MAPK10: variants seen among roughly 807,000 people sequenced by gnomAD.
MAPK10 encodes the protein mitogen-activated protein kinase 10.
A neutral mutation model predicts 59.3 loss-of-function variants in MAPK10; 25 were observed. The observed-to-expected ratio is 0.42, with a 90% CI of 0.31 to 0.59. The LOEUF (loss-of-function observed/expected upper bound fraction) is 0.59. Ranked by LOEUF, MAPK10 falls within the 20% of genes least tolerant of loss-of-function variation. MAPK10 has a pLI of 0.15. For missense variants in MAPK10, 351 were observed against 568.9 expected (o/e 0.62, Z 3.90); for synonymous variants, 190 against 200.5 (o/e 0.95, Z 0.44).
intron 1 of MAPK10, among the ~76,000 whole-genome samples, chr4:86,522,033 T>C (rs895623111): frequency 6.6e-6 from 1 of 152,186 alleles, no homozygotes; most frequent in Non-Finnish European, 1.5e-5. Flanking sequence ...CTCTTCACAC[T>C]GCTTCTTCTA....
At chr4:86,029,051 AAACT>A in intron 13 of MAPK10, 142 bp downstream of exon 13, 1 of 745,104 alleles carries the variant, frequency 1.3e-6, no homozygotes, top group Non-Finnish European at 2.5e-6. Context: ...AAAAGAAATA[AAACT>A]AAAATCATTA....
intron 2 of MAPK10, among the ~76,000 whole-genome samples, chr4:86,278,246 G>A (rs1336899506): frequency 6.6e-6 from 1 of 152,056 alleles, no homozygotes; most frequent in African/African-American, 2.4e-5. Flanking sequence ...AAAAGAAATG[G>A]CCTGGATACC....
At chr4:86,296,728 C>T (rs753747754) in intron 2 of MAPK10, among the ~76,000 whole-genome samples, 1 of 152,064 alleles carries the variant, frequency 6.6e-6, no homozygotes, top group Non-Finnish European at 1.5e-5. Flanking sequence ...TAAAATTCTC[C>T]TTAGAGTTAG....
chr4:86,205,150 C>G (rs1388005277), intron 2 of MAPK10, among the ~76,000 whole-genome samples: 1 of 151,808 alleles, frequency 6.6e-6, no homozygotes, highest in East Asian at 1.9e-4. Flanking sequence ...GGGATAGATA[C>G]CCCTACCACA....
intron 1 of MAPK10, among the ~76,000 whole-genome samples, chr4:86,404,246 T>C (rs1027435843): frequency 6.6e-6 from 1 of 152,148 alleles, no homozygotes; most frequent in Non-Finnish European, 1.5e-5. Flanking sequence ...GCATAATAAC[T>C]ATATTCATCT....
chr4:86,186,609 A>G (rs1247675220), intron 3 of MAPK10, among the ~76,000 whole-genome samples: 1 of 152,134 alleles, frequency 6.6e-6, no homozygotes, highest in Non-Finnish European at 1.5e-5. Context: ...TCAATGATTC[A>G]TGTCATTCTT....
At chr4:86,452,217 A>G (rs948623877) in intron 1 of MAPK10, among the ~76,000 whole-genome samples, 2 of 152,218 alleles carry the variant, frequency 1.3e-5, no homozygotes, top group Non-Finnish European at 2.9e-5. Context: ...GAACCAAACA[A>G]CAGAGAACAG....
chr4:86,562,565 G>A (rs746122847), intron 1 of MAPK10, among the ~76,000 whole-genome samples: 3 of 151,902 alleles, frequency 2.0e-5, no homozygotes, highest in African/African-American at 4.8e-5. Context: ...AATGGTAGCC[G>A]ATGCTTGTAG....
At chr4:86,541,944 C>T (rs1758723249) in intron 1 of MAPK10, among the ~76,000 whole-genome samples, 1 of 112,496 alleles carries the variant, frequency 8.9e-6, no homozygotes, top group Non-Finnish European at 1.9e-5. Flanking sequence ...CATGAATACA[C>T]CGGCACACAC....
At chr4:86,301,557 G>A (rs73834268) in intron 2 of MAPK10, among the ~76,000 whole-genome samples, 3,279 of 152,140 alleles carry the variant, frequency 0.022, 113 homozygotes, top group African/African-American at 0.073. Flanking sequence ...TTAATGAAGG[G>A]AAGAGTCTAA....
chr4:86,072,304 G>A (rs1016463166), intron 9 of MAPK10, among the ~76,000 whole-genome samples: 2 of 152,038 alleles, frequency 1.3e-5, no homozygotes, highest in African/African-American at 4.8e-5. Flanking sequence ...TGAGACGATG[G>A]GGTTTTCTAG....
At chr4:86,131,417 G>A (rs958492609) in intron 4 of MAPK10, among the ~76,000 whole-genome samples, 10 of 152,118 alleles carry the variant, frequency 6.6e-5, no homozygotes, top group African/African-American at 2.2e-4. Flanking sequence ...ACTGTATTTC[G>A]AGATTAATCT....
intron 9 of MAPK10, among the ~76,000 whole-genome samples, chr4:86,077,028 GA>G (rs1436228684): frequency 5.3e-5 from 8 of 151,960 alleles, no homozygotes; most frequent in African/African-American, 1.9e-4. Context: ...AATACAAATG[GA>G]AAAATGGCAT....
intron 1 of MAPK10, among the ~76,000 whole-genome samples, chr4:86,489,022 CA>C (rs1326168946): frequency 6.6e-6 from 1 of 152,194 alleles, no homozygotes; most frequent in Admixed American, 6.5e-5. Flanking sequence ...CAGCACTTTT[CA>C]GTCCAGTGTT....
At chr4:86,119,531 G>A (rs2058865086) in intron 4 of MAPK10, 1 of 143,240 alleles carries the variant, frequency 7.0e-6, no homozygotes, top group Admixed American at 7.3e-5. Context: ...GCAGGCAGAG[G>A]TTGCAGTGAG....
At chr4:86,202,895 A>G (rs6844365) in intron 2 of MAPK10, among the ~76,000 whole-genome samples, 49,201 of 151,842 alleles carry the variant, frequency 0.32, 10,995 homozygotes, top group African/African-American at 0.64. Context: ...TTCTAGGAAG[A>G]CACTTTAAAA....
chr4:86,037,116 A>G (rs758780451), intron 11 of MAPK10, among the ~76,000 whole-genome samples: 4 of 152,216 alleles, frequency 2.6e-5, no homozygotes, highest in Non-Finnish European at 4.4e-5. Flanking sequence ...TCTGCATAAT[A>G]AATCTATAGT....
intron 1 of MAPK10, among the ~76,000 whole-genome samples, chr4:86,397,671 AC>A (rs1320188365): frequency 1.3e-5 from 2 of 151,868 alleles, no homozygotes; most frequent in African/African-American, 4.8e-5. Flanking sequence ...CCTGGGCAAT[AC>A]CCTTGTTCTT....
chr4:86,534,005 T>C (rs1758041378), intron 1 of MAPK10, among the ~76,000 whole-genome samples: 1 of 152,196 alleles, frequency 6.6e-6, no homozygotes, highest in Admixed American at 6.5e-5. Context: ...GACACAGCCC[T>C]CTTCTACCTC....
Sources: allele counts gnomAD v4.1 joint callset (sites outside exome capture counted in the v4.1 genomes callset), GRCh38; gene constraint gnomAD v4.1.1; transcripts MANE v1.5; gene names NCBI Gene and HGNC (gene_info 2026-07-23, HGNC 2026-07-21).